DMD: variants seen among roughly 807,000 people sequenced by gnomAD.
DMD encodes the protein dystrophin.
Under a neutral mutation model 330.1 loss-of-function variants are expected in DMD, and 63 were observed. The ratio of observed to expected loss-of-function variants is 0.19; its 90% CI spans 0.16 to 0.24. The LOEUF (loss-of-function observed/expected upper bound fraction) is 0.24. DMD is among the 10% of genes least tolerant of loss of function. The pLI is 1.00. For synonymous variants in DMD, 1,223 were observed against 959.8 expected (o/e 1.27, Z -5.07); for missense variants, 3,344 against 2,684.1 (o/e 1.25, Z -5.43).
chrX:31,978,324 T>C (rs141107264), intron 44 of DMD, among the ~76,000 whole-genome samples: 3,820 of 111,063 alleles, frequency 0.034, 74 homozygotes, highest in Non-Finnish European at 0.054. Flanking sequence ...AAATTCTATT[T>C]TACTGATCCT....
At chrX:32,760,745 T>C (rs1044169199) in intron 7 of DMD, among the ~76,000 whole-genome samples, 2 of 112,129 alleles carry the variant, frequency 1.8e-5, no homozygotes, top group Middle Eastern at 4.6e-3. Flanking sequence ...TAGGCATCAT[T>C]ATGATCATTT....
At chrX:32,267,432 C>T (rs986859771) in intron 43 of DMD, among the ~76,000 whole-genome samples, 3 of 111,920 alleles carry the variant, frequency 2.7e-5, no homozygotes, top group African/African-American at 9.7e-5. Flanking sequence ...CTAGTGAAAA[C>T]TAATTTATTC....
At chrX:31,845,076 G>GTATATATATGTATGTGTGTGTA (rs1569474511) in intron 48 of DMD, among the ~76,000 whole-genome samples, 13 of 105,975 alleles carry the variant, frequency 1.2e-4, no homozygotes, top group African/African-American at 3.8e-4. Context: ...GTATATGTGT[G>GTATATATATGTATGTGTGTGTA]TATATATATG....
rs148475079 is a variant in DMD at position 31,797,650 on chromosome X, C to T, written c.7309+22325G>A. 1.2e-3 allele frequency among the ~76,000 whole-genome samples: 132 copies of T among 111,746 alleles called. 1 individual carries two copies. Among genetic ancestry groups the T allele is most frequent in the African/African-American group, 4.2e-3 (128 of 30,799 alleles). ...AAGAAGCAAACTATAGTAAGAAAGA[C>T]AGAGTAGAAAGTTTTCAAGTCAATG... On this transcript the variant is annotated intron_variant, in intron 50 of 78. Transcript: ENST00000357033.
In DMD at chrX:31,126,505, A is replaced by G. The variant is rs779420035; in HGVS notation, c.11046+137T>C. 26 of 546,773 alleles carry G rather than the reference A, an allele frequency of 4.8e-5. 1 individual carries two copies. In the South Asian group the frequency reaches 6.4e-4, roughly 13 times the overall value. The allele number at this position is 546,773 out of a possible 1,213,427, so 45.1% of individuals were successfully genotyped here. On this transcript the variant is annotated intron_variant, in intron 78 of 78. Transcript: ENST00000357033. ...CTCATGAGCTGCAAGTGGAGAGGTGACTACCATCCTTACATGATGACACAA... is the reference window on the plus strand; with the variant it reads ...CTCATGAGCTGCAAGTGGAGAGGTGGCTACCATCCTTACATGATGACACAA...
chrX:33,048,458 G>A (rs1391411051), intron 1 of DMD, among the ~76,000 whole-genome samples: 1 of 110,086 alleles, frequency 9.1e-6, no homozygotes, highest in Non-Finnish European at 1.9e-5. Context: ...GGGAGGCCGA[G>A]GCGGGTGGAT....
intron 50 of DMD, among the ~76,000 whole-genome samples, chrX:31,805,845 A>G (rs1238714127): frequency 2.7e-5 from 3 of 112,447 alleles, no homozygotes; most frequent in Admixed American, 9.5e-5. Context: ...CACATTAAAC[A>G]ATCTATATTC....
At chrX:31,256,590 T>G in intron 63 of DMD, among the ~76,000 whole-genome samples, 1 of 111,978 alleles carries the variant, frequency 8.9e-6, no homozygotes, top group East Asian at 2.8e-4. Context: ...AGTTCTATTT[T>G]CTCTACCACT....
chrX:31,738,546 C>T (rs1177745909), intron 51 of DMD, among the ~76,000 whole-genome samples: 1 of 112,030 alleles, frequency 8.9e-6, no homozygotes, highest in African/African-American at 3.2e-5. Context: ...AATAGAGCTA[C>T]CATATAATAT....
At chrX:32,891,031 A>T (rs2085149406) in intron 2 of DMD, among the ~76,000 whole-genome samples, 1 of 112,109 alleles carries the variant, frequency 8.9e-6, no homozygotes, top group African/African-American at 3.2e-5. Flanking sequence ...TTTTTTGATT[A>T]CATGTTGAAA....
At chrX:32,277,174 C>A (rs1457294968) in intron 43 of DMD, among the ~76,000 whole-genome samples, 2 of 110,335 alleles carry the variant, frequency 1.8e-5, no homozygotes, top group Non-Finnish European at 3.8e-5. Flanking sequence ...AGGACAAAAA[C>A]TGTAAGAAGA....
chrX:32,558,371 T>C (rs2050563943), intron 16 of DMD, among the ~76,000 whole-genome samples: 1 of 112,137 alleles, frequency 8.9e-6, no homozygotes, highest in African/African-American at 3.2e-5. Context: ...TAGGGATGGA[T>C]ATTATCAAGT....
chrX:31,707,451 G>A (rs1443862453), intron 52 of DMD, among the ~76,000 whole-genome samples: 2 of 110,229 alleles, frequency 1.8e-5, no homozygotes, highest in African/African-American at 3.3e-5. Context: ...GGGAACAATA[G>A]ACCCTGGGGA....
At chrX:33,214,699 G>C (rs1475114540), upstream of DMD, among the ~76,000 whole-genome samples, 1 of 112,018 alleles carries the variant, frequency 8.9e-6, no homozygotes, top group Admixed American at 9.5e-5. Context: ...TGTCATCCAG[G>C]CTGGAGTGTA....
chrX:31,947,939 C>A (rs2095110044), intron 45 of DMD, among the ~76,000 whole-genome samples: 1 of 110,805 alleles, frequency 9.0e-6, no homozygotes, highest in Admixed American at 9.7e-5. Context: ...GTGCACAGTA[C>A]AGGCACTATG....
chrX:33,211,241 T>G (rs764238957), intron 1 of DMD, 41 bp downstream of exon 1: 2 of 1,192,447 alleles, frequency 1.7e-6, no homozygotes, highest in African/African-American at 3.5e-5. Flanking sequence ...AACTAAACGT[T>G]ATGCCACAGT....
chrX:32,334,546 C>G (rs1398720038), intron 41 of DMD, among the ~76,000 whole-genome samples: 1 of 111,643 alleles, frequency 9.0e-6, no homozygotes, highest in Non-Finnish European at 1.9e-5. Context: ...AATCTAGGCT[C>G]AGACATTATT....
At chrX:32,142,121 G>T (rs115046537) in intron 44 of DMD, among the ~76,000 whole-genome samples, 3 of 110,821 alleles carry the variant, frequency 2.7e-5, no homozygotes, top group South Asian at 3.9e-4. Context: ...TGGTGCAAGG[G>T]GGGTAGACAG....
chrX:32,254,774 C>G (rs1431151989), intron 43 of DMD, among the ~76,000 whole-genome samples: 1 of 112,108 alleles, frequency 8.9e-6, no homozygotes, highest in Non-Finnish European at 1.9e-5. Flanking sequence ...TGGCTCATTA[C>G]TGCTCACTAA....
Sources: allele counts gnomAD v4.1 joint callset (sites outside exome capture counted in the v4.1 genomes callset), GRCh38; gene constraint gnomAD v4.1.1; transcripts MANE v1.5; gene names NCBI Gene and HGNC (gene_info 2026-07-23, HGNC 2026-07-21).